The following DCAF4 variants were observed in gnomAD, a reference collection of about 807,000 sequenced individuals.
DCAF4 encodes the protein DDB1- and CUL4-associated factor 4.
In DCAF4, 37 loss-of-function variants were observed where a neutral mutation model predicts 60.9. That is an observed-to-expected ratio of 0.61 (90% CI 0.47 to 0.80). DCAF4 has a LOEUF of 0.80. Among genes scored for constraint, DCAF4 ranks in the 30% least tolerant of loss-of-function variants. DCAF4 has a pLI of 0.00. For missense variants in DCAF4, 577 were observed against 650.0 expected (o/e 0.89, Z 1.22); for synonymous variants, 243 against 254.8 (o/e 0.95, Z 0.44).
rs1424216938 is a variant in DCAF4, at chr14:72,958,772, C to T, written c.1455C>T (p.Val485=). The T allele has an allele frequency of 1.1e-5, 17 of 1,594,840 alleles. No homozygotes were observed. The highest frequency in any genetic ancestry group is 2.3e-5 in the South Asian group (2 of 87,482). The change falls in exon 14 of 14, where the codon GTC becomes GTT. Residue 485 remains valine, a synonymous_variant. Transcript: ENST00000358377. ...GCGCGCCGGGGCTGCTCATGGCTGT[C>T]GGGCAGGACCTTTACTGTTACTCCT... ...SRGAPGLLMA[V]GQDLYCYSYS
intron 7 of DCAF4, among the ~76,000 whole-genome samples, chr14:72,946,545 C>T (rs1257700930): frequency 1.3e-5 from 2 of 152,122 alleles, no homozygotes; most frequent in East Asian, 3.8e-4. Flanking sequence ...CAGGACCGTC[C>T]CTCCAGGGGT....
rs909273069 is a variant in DCAF4, at chr14:72,946,940, C to T, written c.679-202C>T. Among the ~76,000 whole-genome samples, 4 of 152,294 alleles carry T rather than the reference C, an allele frequency of 2.6e-5. No homozygotes were observed. In the South Asian group the frequency reaches 8.3e-4, roughly 32 times the overall value. On this transcript the variant is annotated intron_variant, in intron 7 of 13. Coordinates refer to ENST00000358377, the MANE Select transcript of DCAF4 (RefSeq NM_015604.4). The stretch of plus-strand genomic sequence containing the variant: ...TATGCCAGATAGACCAGATGTCTCC[C>T]TGTGGGTCTGTTGAAGGACTCAGGC...
chr14:72,937,826 A>C lies in DCAF4; in HGVS notation c.-8-145A>C, dbSNP rs539229634. Reference sequence around the variant, plus strand: ...GTGCTGGAGGCAGCCCTTCCCAGGTAAGGCTTGCTGTGGCAAATCTGATGA... The same window carrying C: ...GTGCTGGAGGCAGCCCTTCCCAGGTCAGGCTTGCTGTGGCAAATCTGATGA... On this transcript the variant is annotated intron_variant, in intron 1 of 13. Transcript: ENST00000358377. 50 of 1,279,536 alleles carry C rather than the reference A, an allele frequency of 3.9e-5. 1 individual carries two copies. In the East Asian group the frequency reaches 1.3e-3, roughly 34 times the overall value. 79.3% of individuals were successfully genotyped at this position (1,279,536 alleles called of 1,614,324 possible).
chr14:72,961,156 G>A (rs1203099549), downstream of DCAF4, among the ~76,000 whole-genome samples: 1 of 152,024 alleles, frequency 6.6e-6, no homozygotes, highest in East Asian at 1.9e-4. Context: ...CAAAGTGCTG[G>A]CATTACAGAC....
chr14:72,930,839 A>G (rs994074439), intron 1 of DCAF4, among the ~76,000 whole-genome samples: 1 of 152,184 alleles, frequency 6.6e-6, no homozygotes, highest in African/African-American at 2.4e-5. Context: ...TTTGATATTC[A>G]AATGTCCCAG....
At chr14:72,951,971 G>A (rs1390269133) in intron 9 of DCAF4, 94 bp downstream of exon 9, 32 of 1,339,854 alleles carry the variant, frequency 2.4e-5, no homozygotes, top group Non-Finnish European at 3.2e-5. Flanking sequence ...CGCTGCAGAG[G>A]CACTGTGGGA....
chr14:72,946,585 A>C (rs1337262580), intron 7 of DCAF4, among the ~76,000 whole-genome samples: 2 of 152,168 alleles, frequency 1.3e-5, no homozygotes, highest in Admixed American at 6.5e-5. Context: ...GGCCCACACC[A>C]GGGCACAGAG....
chr14:72,937,129 A>AT (rs1364714488), intron 1 of DCAF4, among the ~76,000 whole-genome samples: 4 of 152,172 alleles, frequency 2.6e-5, no homozygotes, highest in Non-Finnish European at 2.9e-5. Context: ...GAATATGCCC[A>AT]TTTTTTTGGA....
intron 8 of DCAF4, among the ~76,000 whole-genome samples, chr14:72,949,051 T>G (rs972907707): frequency 3.3e-5 from 5 of 152,312 alleles, no homozygotes; most frequent in East Asian, 1.9e-4. Flanking sequence ...GGTGGTGGTG[T>G]TCTCATTTAC....
chr14:72,954,719 G>A (rs925151189), intron 11 of DCAF4, among the ~76,000 whole-genome samples: 5 of 152,220 alleles, frequency 3.3e-5, no homozygotes, highest in Non-Finnish European at 7.3e-5. Context: ...ATTGTGAGCA[G>A]TTCTTGGGTA....
At chr14:72,950,281 G>A (rs1008954838) in intron 8 of DCAF4, among the ~76,000 whole-genome samples, 2 of 152,170 alleles carry the variant, frequency 1.3e-5, no homozygotes, top group African/African-American at 4.8e-5. Flanking sequence ...AGGAGTGGAG[G>A]GAAGGGCACC....
intron 1 of DCAF4, among the ~76,000 whole-genome samples, chr14:72,936,165 A>G (rs1281208476): frequency 6.6e-6 from 1 of 152,180 alleles, no homozygotes; most frequent in African/African-American, 2.4e-5. Flanking sequence ...TAACTTAACT[A>G]TTAATAAATA....
chr14:72,942,500 A>G (rs1036683760), intron 5 of DCAF4: 59 of 156,576 alleles, frequency 3.8e-4, no homozygotes, highest in African/African-American at 1.4e-3. Flanking sequence ...GGCCAGAAAC[A>G]CCGTAGGTAT....
intron 7 of DCAF4, 31 bp downstream of exon 7, chr14:72,946,058 A>G (rs1273233031): frequency 3.1e-6 from 5 of 1,610,236 alleles, no homozygotes; most frequent in Non-Finnish European, 4.2e-6. Context: ...GCCTCTCTGC[A>G]CACTTGACCC....
chr14:72,940,473 C>T (rs1228528684), intron 4 of DCAF4, 96 bp downstream of exon 4: 2 of 1,317,092 alleles, frequency 1.5e-6, no homozygotes, highest in African/African-American at 1.5e-5. Flanking sequence ...GCCCCTGCGA[C>T]ACTTAGCAGA....
Position 72,928,187 on chromosome 14 carries a change from C to CTTTTTTTTTTTTTTTTTTTTT in DCAF4, c.-9+1647_-9+1667dup, listed in dbSNP as rs565229070. ...CCCGCTAGTCTACAGAATCCCCCCA[C>CTTTTTTTTTTTTTTTTTTTTT]TTTTTTTTTTTTTTTTTTTTTTTGA... On this transcript the variant is annotated intron_variant, in intron 1 of 13. Coordinates refer to ENST00000358377, the MANE Select transcript of DCAF4 (RefSeq NM_015604.4). Among the ~76,000 whole-genome samples the CTTTTTTTTTTTTTTTTTTTTT allele has an allele frequency of 3.7e-3, 248 of 67,266 alleles. 29 individuals are homozygous for CTTTTTTTTTTTTTTTTTTTTT. Among genetic ancestry groups the CTTTTTTTTTTTTTTTTTTTTT allele is most frequent in the Middle Eastern group, 0.017 (1 of 60 alleles). The allele number at this position is 67,266 out of a possible 152,430, so 44.1% of individuals were successfully genotyped here.
intron 10 of DCAF4, 30 bp from the exon 11 acceptor site, chr14:72,954,356 A>T: frequency 6.2e-7 from 1 of 1,613,136 alleles, no homozygotes. Flanking sequence ...ATGTGACATA[A>T]TCTTACCAGC....
intron 1 of DCAF4, among the ~76,000 whole-genome samples, chr14:72,928,319 G>C (rs1887953570): frequency 6.7e-6 from 1 of 149,556 alleles, no homozygotes; most frequent in African/African-American, 2.5e-5. Flanking sequence ...TCAGCCTCCC[G>C]AGTAGCTGAG....
chr14:72,949,539 G>T (rs1891148887), intron 8 of DCAF4, among the ~76,000 whole-genome samples: 1 of 152,126 alleles, frequency 6.6e-6, no homozygotes, highest in Non-Finnish European at 1.5e-5. Flanking sequence ...CGGATCACTT[G>T]AGGTCAGGAG....
Sources: allele counts gnomAD v4.1 joint callset (sites outside exome capture counted in the v4.1 genomes callset), GRCh38; gene constraint gnomAD v4.1.1; transcripts MANE v1.5; gene names NCBI Gene and HGNC (gene_info 2026-07-23, HGNC 2026-07-21).